Variants in GRM7 observed in about 807,000 individuals in gnomAD.
GRM7 encodes metabotropic glutamate receptor 7.
A neutral mutation model predicts 84.5 loss-of-function variants in GRM7; 35 were observed. The ratio of observed to expected loss-of-function variants is 0.41; its 90% CI spans 0.32 to 0.55. The LOEUF is 0.55. Ranked by LOEUF, GRM7 falls within the 20% of genes least tolerant of loss-of-function variation. GRM7 has a pLI of 0.19. For missense variants in GRM7, 1,003 were observed against 1,194.6 expected, an observed-to-expected ratio of 0.84 and a Z score of 2.36; for synonymous variants, 487 against 455.1, an observed-to-expected ratio of 1.07 and a Z score of -0.89.
intron 7 of GRM7, among the ~76,000 whole-genome samples, chr3:7,482,129 A>G (rs1324224736): frequency 6.6e-6 from 1 of 152,190 alleles, no homozygotes; most frequent in Non-Finnish European, 1.5e-5. Flanking sequence ...CGGAGGTTGC[A>G]GTGAGCCGAG....
rs530467655 is a variant in GRM7, at chr3:7,106,940, A to G, written c.520-39512A>G. Among the ~76,000 whole-genome samples the G allele has an allele frequency of 2.6e-5, 4 of 152,194 alleles. No homozygotes were observed. The South Asian group carries it at 6.2e-4, about 24-fold the overall frequency. On this transcript the variant is annotated intron_variant, in intron 1 of 9. Transcript: ENST00000357716. The stretch of plus-strand genomic sequence containing the variant: ...TTCACTACACAAATGTATTGAGTGC[A>G]TAGTGCTGTGCCAGTTGGTATGCTA...
At chr3:6,958,069 G>A (rs1169580052) in intron 1 of GRM7, among the ~76,000 whole-genome samples, 1 of 149,120 alleles carries the variant, frequency 6.7e-6, no homozygotes, top group Non-Finnish European at 1.5e-5. Context: ...ATTTCATTAT[G>A]TGTATATATG....
intron 1 of GRM7, among the ~76,000 whole-genome samples, chr3:7,133,107 A>G (rs1280330131): frequency 6.6e-6 from 1 of 152,130 alleles, no homozygotes; most frequent in Non-Finnish European, 1.5e-5. Context: ...CTGTGTTGTC[A>G]TTGTGCATTC....
intron 9 of GRM7, among the ~76,000 whole-genome samples, chr3:7,727,967 G>A (rs1163403119): frequency 6.6e-6 from 1 of 151,994 alleles, no homozygotes; most frequent in Non-Finnish European, 1.5e-5. Flanking sequence ...TTCCAAGAAA[G>A]GAAAAAATAG....
chr3:7,225,609 A>G (rs1696958687), intron 2 of GRM7, among the ~76,000 whole-genome samples: 1 of 149,670 alleles, frequency 6.7e-6, no homozygotes, highest in Non-Finnish European at 1.5e-5. Flanking sequence ...ATTAACCTAT[A>G]ATTTTTAAAA....
At chr3:7,438,728 C>T (rs1174169798) in intron 5 of GRM7, among the ~76,000 whole-genome samples, 1 of 152,044 alleles carries the variant, frequency 6.6e-6, no homozygotes, top group Non-Finnish European at 1.5e-5. Flanking sequence ...TCCCATTGAC[C>T]AAATTAACCA....
chr3:7,387,751 G>A (rs1694840985), intron 4 of GRM7, among the ~76,000 whole-genome samples: 1 of 152,196 alleles, frequency 6.6e-6, no homozygotes, highest in Admixed American at 6.5e-5. Flanking sequence ...TTTTGCTTAG[G>A]ATTGCCGTGG....
intron 4 of GRM7, among the ~76,000 whole-genome samples, chr3:7,324,666 T>G (rs1473690360): frequency 1.3e-5 from 2 of 152,172 alleles, no homozygotes; most frequent in Admixed American, 1.3e-4. Flanking sequence ...CTGAGCATTG[T>G]TATTTCTTCC....
At chr3:7,735,103 C>T (rs1426511347) in intron 9 of GRM7, among the ~76,000 whole-genome samples, 1 of 151,980 alleles carries the variant, frequency 6.6e-6, no homozygotes, top group Non-Finnish European at 1.5e-5. Flanking sequence ...ATAAAGAATC[C>T]CTCCCAGTTG....
Position 7,132,165 on chromosome 3 carries a change from G to T in GRM7, c.520-14287G>T, listed in dbSNP as rs185486411. Reference sequence around the variant, plus strand: ...CTTCAGTGACCTTTTAGTGTTTTATGTAGACTGGTGCCCCCCCAACAATAT... The same window carrying T: ...CTTCAGTGACCTTTTAGTGTTTTATTTAGACTGGTGCCCCCCCAACAATAT... On this transcript the variant is annotated intron_variant, in intron 1 of 9. Transcript: ENST00000357716. Among the ~76,000 whole-genome samples, 243 of 152,144 alleles carry T rather than the reference G, an allele frequency of 1.6e-3. 1 individual carries two copies. Among genetic ancestry groups the T allele is most frequent in the African/African-American group, 3.8e-3 (159 of 41,496 alleles).
intron 9 of GRM7, among the ~76,000 whole-genome samples, chr3:7,698,269 C>A (rs1048069266): frequency 7.9e-5 from 12 of 152,126 alleles, no homozygotes; most frequent in Non-Finnish European, 1.3e-4. Context: ...CAATAAAGTC[C>A]AAATGCATAA....
Position 6,862,850 on chromosome 3 carries a change from G to T in GRM7, c.519+943G>T. 1 of 340,092 alleles carries T rather than the reference G, an allele frequency of 2.9e-6. No homozygotes were observed. Among genetic ancestry groups the T allele is most frequent in the East Asian group, 1.0e-4 (1 of 9,670 alleles). 21.1% of individuals were successfully genotyped at this position (340,092 alleles called of 1,614,324 possible). ...GAGGCAGAGGGGTGCGTGAAGCGGG[G>T]CCCCGTGGTCCTCCTGCTCCGGTGC... is the stretch of plus-strand genomic sequence containing the variant. On this transcript the variant is annotated intron_variant, in intron 1 of 9. Coordinates refer to ENST00000357716, the MANE Select transcript of GRM7 (RefSeq NM_000844.4). This position sits in a 1 kb window ranked among gnomAD's most constrained non-coding sequence, Gnocchi z 5.2.
At chr3:7,338,936 GAA>G (rs59730500) in intron 4 of GRM7, among the ~76,000 whole-genome samples, 4,466 of 133,606 alleles carry the variant, frequency 0.033, 212 homozygotes, top group African/African-American at 0.11. Context: ...CCAGGCTGGG[GAA>G]AAAAAAAAAA....
At chr3:7,734,808 A>C (rs1702449959) in intron 9 of GRM7, among the ~76,000 whole-genome samples, 1 of 152,178 alleles carries the variant, frequency 6.6e-6, no homozygotes, top group Non-Finnish European at 1.5e-5. Context: ...TATCTTCTCA[A>C]GTTGAGGAAT....
intron 4 of GRM7, among the ~76,000 whole-genome samples, chr3:7,326,181 G>GAA (rs1425006341): frequency 2.9e-5 from 4 of 136,412 alleles, no homozygotes; most frequent in South Asian, 2.2e-4. Context: ...AAAAAAAAAA[G>GAA]AAAAAAAAAC....
chr3:6,963,198 G>C (rs796910024), intron 1 of GRM7, among the ~76,000 whole-genome samples: 1 of 152,182 alleles, frequency 6.6e-6, no homozygotes, highest in Non-Finnish European at 1.5e-5. Context: ...CTGCAATTTT[G>C]CCAGGAGAGA....
At chr3:7,308,525 G>C (rs1700276813) in intron 4 of GRM7, among the ~76,000 whole-genome samples, 1 of 152,158 alleles carries the variant, frequency 6.6e-6, no homozygotes, top group Non-Finnish European at 1.5e-5. Flanking sequence ...GATCATATAA[G>C]GACATGGCAC....
In GRM7 at chr3:6,942,681, A is replaced by G. The variant is rs184856234; in HGVS notation, c.519+80774A>G. 2.8e-3 allele frequency among the ~76,000 whole-genome samples: 433 copies of G among 152,250 alleles called. 1 individual carries two copies. Among genetic ancestry groups the G allele is most frequent in the Middle Eastern group, 0.01 (3 of 294 alleles). On this transcript the variant is annotated intron_variant, in intron 1 of 9. Coordinates refer to ENST00000357716, the MANE Select transcript of GRM7 (RefSeq NM_000844.4). ...GTTAATTTAGCTATTAAAAAATTAA[A>G]GCTACTATGAATATTTGTGTACAAG...
At chr3:7,467,207 C>G (rs1335484074) in intron 7 of GRM7, among the ~76,000 whole-genome samples, 1 of 152,136 alleles carries the variant, frequency 6.6e-6, no homozygotes, top group African/African-American at 2.4e-5. Flanking sequence ...CATGCCTCAG[C>G]CTCCTGAGTA....
Sources: gnomAD v4.1 joint callset for allele counts (sites outside exome capture counted in the v4.1 genomes callset) on GRCh38, gnomAD v4.1.1 for gene constraint, Gnocchi (gnomAD v3.1) non-coding constraint, MANE v1.5 for transcripts, NCBI Gene and HGNC (gene_info 2026-07-23, HGNC 2026-07-21) for gene names.